Variants in ERICH3 observed in about 807,000 individuals in gnomAD.
ERICH3 encodes glutamate rich 3, also known as glutamate-rich protein 3.
In ERICH3, 126 loss-of-function variants were observed where a neutral mutation model predicts 131.1. That is an observed-to-expected ratio of 0.96 (90% CI 0.83 to 1.11). The LOEUF (loss-of-function observed/expected upper bound fraction) is 1.11. ERICH3 is among the 50% of genes most tolerant of loss of function. ERICH3 has a pLI of 0.00. For synonymous variants in ERICH3, 695 were observed against 644.6 expected, an observed-to-expected ratio of 1.08 and a Z score of -1.18; for missense variants, 2,050 against 1,810.7, an observed-to-expected ratio of 1.13 and a Z score of -2.40.
intron 9 of ERICH3, among the ~76,000 whole-genome samples, chr1:74,607,296 G>C (rs1321219407): frequency 6.6e-6 from 1 of 151,872 alleles, no homozygotes; most frequent in Non-Finnish European, 1.5e-5. Context: ...CATATCTCAA[G>C]TCCTTAAATG....
chr1:74,631,892 C>T lies in ERICH3; in HGVS notation c.640G>A (p.Gly214Ser). 1.9e-6 allele frequency: 3 copies of T among 1,613,196 alleles called. No homozygotes were observed. Among genetic ancestry groups the T allele is most frequent in the African/African-American group, 1.3e-5 (1 of 74,980 alleles). ...KAVMKFRNSI[G>S]NSQRMNSYQL... ...TATGAATTCATTCTCTGTGAATTGC[C>T]TATGGAGTTCCTGAACTTCATCACT... is the stretch of plus-strand genomic sequence containing the variant. The change falls in exon 7 of 15, where the codon GGC (glycine) becomes AGC (serine). Residue 214 changes from glycine to serine, a missense_variant. Gly to Ser is a moderately conservative substitution (Grantham distance 56). Transcript: ENST00000326665.
intron 1 of ERICH3, among the ~76,000 whole-genome samples, chr1:74,651,935 C>A (rs1375478228): frequency 6.6e-6 from 1 of 152,164 alleles, no homozygotes; most frequent in African/African-American, 2.4e-5. Flanking sequence ...CTTCTACTAA[C>A]AAATGTGTGC....
In ERICH3 at chr1:74,673,558, A is replaced by C. The variant is rs931686679; in HGVS notation, c.-39T>G. ...CTTTTGGACCCCGCGGCAGGTGCGG[A>C]GGGTGGGTGCGTGGGGCCCCGTGCG... On this transcript the variant is annotated 5_prime_UTR_variant, in exon 1 of 15. Transcript: ENST00000326665. 6 of 1,605,934 alleles carry C rather than the reference A, an allele frequency of 3.7e-6. No homozygotes were observed. In the African/African-American group the frequency reaches 4.0e-5, roughly 11 times the overall value.
chr1:74,650,453 T>C (rs1275680129), intron 1 of ERICH3, among the ~76,000 whole-genome samples: 1 of 152,152 alleles, frequency 6.6e-6, no homozygotes, highest in Non-Finnish European at 1.5e-5. Context: ...CATTCATACA[T>C]AGACATATAC....
At chr1:74,628,041 T>C (rs1403426949) in intron 7 of ERICH3, among the ~76,000 whole-genome samples, 50 of 152,190 alleles carry the variant, frequency 3.3e-4, no homozygotes, top group Admixed American at 2.9e-3. Flanking sequence ...TTAACTGTAG[T>C]ACATACTGTA....
At chr1:74,641,283 A>C in intron 5 of ERICH3, 48 bp downstream of exon 5, 4 of 1,590,892 alleles carry the variant, frequency 2.5e-6, no homozygotes, top group Non-Finnish European at 3.4e-6. Flanking sequence ...AGAAATAATA[A>C]ATTAATTAGC....
At position 74,643,035 on chromosome 1, in the gene ERICH3, T is replaced by C. The variant is rs1307145696; in HGVS notation, c.307A>G (p.Arg103Gly). 3 of 1,608,188 alleles carry C rather than the reference T, an allele frequency of 1.9e-6. No individual in the cohort carries two copies. In the South Asian group the frequency reaches 3.3e-5, roughly 18 times the overall value. Residue 103 changes from arginine (R) to glycine (G), a missense_variant, in exon 4 of 15, where the codon AGG (arginine) becomes GGG (glycine). Physicochemically the swap from Arg to Gly is moderately radical, Grantham distance 125 (BLOSUM62 -2). Coordinates refer to ENST00000326665, the MANE Select transcript of ERICH3 (RefSeq NM_001002912.5). Reference sequence around the variant, plus strand: ...GTTATATAACTCCTTACCTTAAACCTCTGGATTCGCTCCTTCCTAGCTAAG... The same window carrying C: ...GTTATATAACTCCTTACCTTAAACCCCTGGATTCGCTCCTTCCTAGCTAAG... ...ETLARKERIQ[R>G]FKGEHTRRSV...
chr1:74,585,107 C>A (rs1647269506), intron 12 of ERICH3, among the ~76,000 whole-genome samples: 1 of 152,140 alleles, frequency 6.6e-6, no homozygotes, highest in Non-Finnish European at 1.5e-5. Context: ...CTCTTTATTT[C>A]ATTTATATTT....
At chr1:74,668,678 A>C (rs67990917) in intron 1 of ERICH3, among the ~76,000 whole-genome samples, 31,235 of 152,096 alleles carry the variant, frequency 0.21, 4,381 homozygotes, top group East Asian at 0.63. Context: ...AAGAGAAGAA[A>C]AGACATATAC....
chr1:74,600,243 C>CA (rs2100578315), intron 10 of ERICH3, among the ~76,000 whole-genome samples: 1 of 151,700 alleles, frequency 6.6e-6, no homozygotes, highest in Non-Finnish European at 1.5e-5. Flanking sequence ...TGATATAAAA[C>CA]AATAAATTAG....
rs374724363 is a variant in ERICH3 at position 74,673,544 on chromosome 1, C to A, written c.-25G>T. The stretch of plus-strand genomic sequence containing the variant: ...TTTTTGCAGGATCCCTTTTGGACCC[C>A]GCGGCAGGTGCGGAGGGTGGGTGCG... On this transcript the variant is annotated 5_prime_UTR_variant, in exon 1 of 15. Transcript: ENST00000326665. 2.5e-6 allele frequency: 4 copies of A among 1,609,648 alleles called. No homozygotes were observed. Among genetic ancestry groups the A allele is most frequent in the African/African-American group, 1.3e-5 (1 of 74,494 alleles).
At chr1:74,651,610 C>G (rs1430457955) in intron 1 of ERICH3, among the ~76,000 whole-genome samples, 1 of 152,088 alleles carries the variant, frequency 6.6e-6, no homozygotes, top group African/African-American at 2.4e-5. Context: ...TCAGTCCTAA[C>G]AATCATGATT....
chr1:74,585,386 T>G (rs865806286), intron 12 of ERICH3, among the ~76,000 whole-genome samples: 1 of 152,206 alleles, frequency 6.6e-6, no homozygotes, highest in Non-Finnish European at 1.5e-5. Flanking sequence ...GTTGATGGAC[T>G]GGACAAAGTC....
intron 1 of ERICH3, among the ~76,000 whole-genome samples, chr1:74,672,259 C>T (rs780365251): frequency 3.3e-5 from 5 of 152,152 alleles, no homozygotes; most frequent in African/African-American, 9.7e-5. Context: ...TTGCATCTTA[C>T]GTAGCATCTT....
chr1:74,654,474 C>T (rs903275227), intron 1 of ERICH3, among the ~76,000 whole-genome samples: 2 of 152,026 alleles, frequency 1.3e-5, no homozygotes, highest in African/African-American at 2.4e-5. Flanking sequence ...GTAGCTTAAA[C>T]AAACACTATT....
At chr1:74,642,729 A>C (rs1646447295) in intron 4 of ERICH3, among the ~76,000 whole-genome samples, 1 of 152,108 alleles carries the variant, frequency 6.6e-6, no homozygotes, top group Non-Finnish European at 1.5e-5. Flanking sequence ...ACACAAACAA[A>C]AATCCCTTGG....
chr1:74,617,404 G>A (rs946576569), intron 8 of ERICH3, among the ~76,000 whole-genome samples: 16 of 152,128 alleles, frequency 1.1e-4, no homozygotes, highest in Non-Finnish European at 2.4e-4. Flanking sequence ...ACCCAAAAAC[G>A]TGTTTTTATG....
chr1:74,602,561 G>T (rs770092415), intron 10 of ERICH3, among the ~76,000 whole-genome samples: 4 of 151,802 alleles, frequency 2.6e-5, no homozygotes, highest in Non-Finnish European at 4.4e-5. Context: ...CAAACTTCTT[G>T]CTGTCCTTAC....
At chr1:74,649,903 C>T (rs530926283) in intron 1 of ERICH3, among the ~76,000 whole-genome samples, 38 of 152,142 alleles carry the variant, frequency 2.5e-4, no homozygotes, top group Middle Eastern at 3.4e-3. Flanking sequence ...GCCTTCCACT[C>T]CCGCTCCCCA....
Sources: allele counts gnomAD v4.1 joint callset (sites outside exome capture counted in the v4.1 genomes callset), GRCh38; gene constraint gnomAD v4.1.1; transcripts MANE v1.5; gene names NCBI Gene and HGNC (gene_info 2026-07-23, HGNC 2026-07-21).